The following TMEM207 variants were observed in gnomAD, a reference collection of about 807,000 sequenced individuals.
TMEM207 encodes the protein SRSR846.
In TMEM207, 15 loss-of-function variants were observed where a neutral mutation model predicts 17.4. The observed-to-expected ratio is 0.86, with a 90% CI of 0.58 to 1.33. The LOEUF (loss-of-function observed/expected upper bound fraction) is 1.33. Among genes scored for constraint, TMEM207 ranks in the 40% most tolerant of loss-of-function variants. The pLI, the probability that TMEM207 is intolerant of heterozygous loss-of-function variation, is 0.00. For missense variants in TMEM207, 205 were observed against 173.8 expected (o/e 1.18, Z -1.01); for synonymous variants, 70 against 65.6 (o/e 1.07, Z -0.33).
At chr3:190,442,740 A>G (rs1252194115) in intron 2 of TMEM207, among the ~76,000 whole-genome samples, 7 of 152,226 alleles carry the variant, frequency 4.6e-5, no homozygotes, top group African/African-American at 9.6e-5. Context: ...GGCCATGAAT[A>G]AAAGATGTGA....
chr3:190,430,445 T>C (rs1719668354), intron 4 of TMEM207, among the ~76,000 whole-genome samples: 1 of 151,560 alleles, frequency 6.6e-6, no homozygotes, highest in African/African-American at 2.4e-5. Context: ...TGTGTTTGGG[T>C]AACACAAAAA....
intron 2 of TMEM207, among the ~76,000 whole-genome samples, chr3:190,445,384 G>A (rs922299006): frequency 3.3e-5 from 5 of 152,190 alleles, no homozygotes; most frequent in African/African-American, 9.7e-5. Flanking sequence ...ATTACTTATA[G>A]CATTTAAATT....
intron 2 of TMEM207, 138 bp from the exon 3 acceptor site, chr3:190,441,620 C>T: frequency 1.5e-6 from 1 of 648,026 alleles, no homozygotes; most frequent in South Asian, 1.9e-5. Context: ...CCCATATCGT[C>T]CCGCACCCAG....
chr3:190,434,476 C>T (rs1359946600), intron 4 of TMEM207, among the ~76,000 whole-genome samples: 5 of 152,148 alleles, frequency 3.3e-5, no homozygotes, highest in African/African-American at 1.2e-4. Context: ...TGCTTTCTAC[C>T]GTGATAGTGA....
intron 4 of TMEM207, among the ~76,000 whole-genome samples, chr3:190,439,176 C>CAAA (rs772313119): frequency 3.0e-3 from 175 of 58,382 alleles, no homozygotes; most frequent in Middle Eastern, 9.8e-3. Flanking sequence ...GACTCCGTCT[C>CAAA]AAAAAAAAAA....
chr3:190,447,866 C>A (rs200484486), intron 1 of TMEM207, 39 bp from the exon 2 acceptor site: 1 of 1,597,130 alleles, frequency 6.3e-7, no homozygotes, highest in African/African-American at 1.3e-5. Flanking sequence ...CCAAACATCT[C>A]ATCAGTCTAA....
In TMEM207 at chr3:190,440,129, A is replaced by T. The variant is rs1194847218; in HGVS notation, c.304+115T>A. On this transcript the variant is annotated intron_variant, in intron 4 of 4. Coordinates refer to ENST00000354905, the MANE Select transcript of TMEM207 (RefSeq NM_207316.3). Reference sequence around the variant, plus strand: ...CCTCAGTGCAGGCCTTGGTGTCTCCAATAAGCCACATCTTTTTCTAAGTTC... The same window carrying T: ...CCTCAGTGCAGGCCTTGGTGTCTCCTATAAGCCACATCTTTTTCTAAGTTC... The T allele has an allele frequency of 3.1e-6, 4 of 1,299,310 alleles. No homozygotes were observed. The Admixed American group carries it at 1.0e-4, about 33-fold the overall frequency. The allele number at this position is 1,299,310 out of a possible 1,614,324, so 80.5% of individuals were successfully genotyped here. A position where few individuals can be genotyped will look rare whatever the true frequency, so the allele number is the denominator to read the frequency against.
intron 2 of TMEM207, among the ~76,000 whole-genome samples, chr3:190,447,579 T>C (rs1009076348): frequency 2.0e-5 from 3 of 152,158 alleles, no homozygotes; most frequent in Non-Finnish European, 4.4e-5. Context: ...GCCTCTTATT[T>C]ATTTAACAAA....
At chr3:190,439,173 T>C (rs1719874025) in intron 4 of TMEM207, among the ~76,000 whole-genome samples, 1 of 98,102 alleles carries the variant, frequency 1.0e-5, no homozygotes, top group African/African-American at 4.4e-5. Context: ...CGAGACTCCG[T>C]CTCAAAAAAA....
Position 190,440,376 on chromosome 3 carries a change from G to C in TMEM207, c.172C>G (p.Leu58Val). Residue 58 changes from leucine to valine, a missense_variant, in exon 4 of 5, where the codon CTG becomes GTG. Physicochemically the swap from Leu to Val is conservative, Grantham distance 32. Coordinates refer to ENST00000354905, the MANE Select transcript of TMEM207 (RefSeq NM_207316.3). ...CAGAGAAGAGCTGCCACCAAAACCAGCAGCAGGAGGATCCTGACTCCAAAA... is the reference window on the plus strand; with the variant it reads ...CAGAGAAGAGCTGCCACCAAAACCACCAGCAGGAGGATCCTGACTCCAAAA... ...NGWYIWILLL[L>V]VLVAALLCGA... 6.2e-7 allele frequency: 1 copy of C among 1,611,224 alleles called. No homozygotes were observed. The highest frequency in any genetic ancestry group is 8.5e-7 in the Non-Finnish European group (1 of 1,179,218).
chr3:190,436,916 T>C (rs1009089842), intron 4 of TMEM207, among the ~76,000 whole-genome samples: 2 of 152,202 alleles, frequency 1.3e-5, no homozygotes, highest in African/African-American at 4.8e-5. Context: ...ACTGTATGAA[T>C]GGCTGTTCCC....
chr3:190,439,579 G>GT (rs1560107401), intron 4 of TMEM207, among the ~76,000 whole-genome samples: 2 of 152,212 alleles, frequency 1.3e-5, no homozygotes, highest in East Asian at 3.9e-4. Context: ...TCAGTAAGTT[G>GT]TTTTTTTCTA....
intron 1 of TMEM207, 124 bp from the exon 2 acceptor site, chr3:190,447,951 AT>A: frequency 1.2e-6 from 1 of 818,586 alleles, no homozygotes; most frequent in Non-Finnish European, 1.8e-6. Flanking sequence ...TAAAAGCTCT[AT>A]AGCAGAGTTT....
At chr3:190,437,132 A>G (rs1434062551) in intron 4 of TMEM207, among the ~76,000 whole-genome samples, 1 of 152,250 alleles carries the variant, frequency 6.6e-6, no homozygotes, top group East Asian at 1.9e-4. Context: ...TAAGATCCAG[A>G]AGTTAAACCA....
intron 4 of TMEM207, 22 bp downstream of exon 4, chr3:190,440,222 C>A: frequency 6.2e-7 from 1 of 1,605,746 alleles, no homozygotes. Context: ...AAAAAGAGTC[C>A]AGAAGCGTGC....
intron 1 of TMEM207, 80 bp downstream of exon 1, chr3:190,449,655 T>C: frequency 7.6e-7 from 1 of 1,310,460 alleles, no homozygotes; most frequent in South Asian, 1.2e-5. Context: ...GTTGCTCACA[T>C]ATAAATCTAT....
intron 2 of TMEM207, among the ~76,000 whole-genome samples, chr3:190,443,145 C>CT (rs201791052): frequency 0.29 from 41,190 of 139,816 alleles, 5,837 homozygotes; most frequent in Middle Eastern, 0.37. Context: ...ATTAAAAAAG[C>CT]TTTTTTTTTT....
intron 4 of TMEM207, among the ~76,000 whole-genome samples, chr3:190,431,400 T>C (rs2064625878): frequency 6.6e-6 from 1 of 152,020 alleles, no homozygotes; most frequent in African/African-American, 2.4e-5. Context: ...TCTACTTTTA[T>C]TTACAATATT....
intron 4 of TMEM207, among the ~76,000 whole-genome samples, chr3:190,430,681 C>G (rs1719673243): frequency 6.6e-6 from 1 of 152,038 alleles, no homozygotes; most frequent in African/African-American, 2.4e-5. Context: ...AATCGGGCCT[C>G]TGATTTTGTG....
Sources: allele counts gnomAD v4.1 joint callset (sites outside exome capture counted in the v4.1 genomes callset), GRCh38; gene constraint gnomAD v4.1.1; transcripts MANE v1.5; gene names NCBI Gene and HGNC (gene_info 2026-07-23, HGNC 2026-07-21).